The following BMAL2 variants were observed in gnomAD, a reference collection of about 807,000 sequenced individuals.
BMAL2 encodes basic helix-loop-helix ARNT-like protein 2.
chr12:27,413,512 A>G, the BMAL2 span, among the ~76,000 whole-genome samples: 3 of 152,292 alleles, frequency 2.0e-5, no homozygotes, highest in Admixed American at 6.5e-5. Flanking sequence ...TTCTTTTTCC[A>G]AGAAAAAGAA....
chr12:27,363,246 G>T, the BMAL2 span, among the ~76,000 whole-genome samples: 1 of 152,074 alleles, frequency 6.6e-6, no homozygotes, highest in Non-Finnish European at 1.5e-5. Flanking sequence ...GTTTTCTCAG[G>T]TTTTCATTGT....
chr12:27,359,393 G>A, the BMAL2 span, among the ~76,000 whole-genome samples: 1 of 152,096 alleles, frequency 6.6e-6, no homozygotes, highest in African/African-American at 2.4e-5. Context: ...ATAAACCCTC[G>A]GTACTTACTG....
At chr12:27,389,227 G>A in the BMAL2 span, 1 of 1,612,822 alleles carries the variant, frequency 6.2e-7, no homozygotes, top group African/African-American at 1.3e-5. Context: ...TCCAAAAGAT[G>A]TTGCCAAAGT....
the BMAL2 span, among the ~76,000 whole-genome samples, chr12:27,398,741 T>A: frequency 3.3e-3 from 500 of 152,348 alleles, 2 homozygotes; most frequent in African/African-American, 0.011. Context: ...CTAGGTTCTA[T>A]GTGATGAGAT....
chr12:27,417,570 G>T, the BMAL2 span, among the ~76,000 whole-genome samples: 9 of 152,250 alleles, frequency 5.9e-5, no homozygotes, highest in East Asian at 1.4e-3. Context: ...CTGCCTCACG[G>T]TATCTGAGAA....
At chr12:27,376,933 A>G in the BMAL2 span, among the ~76,000 whole-genome samples, 4 of 146,802 alleles carry the variant, frequency 2.7e-5, no homozygotes, top group South Asian at 4.4e-4. Flanking sequence ...CTCGGGAGGC[A>G]GAGCTTGCAG....
the BMAL2 span, chr12:27,403,288 A>G: frequency 3.2e-6 from 2 of 615,862 alleles, no homozygotes; most frequent in Non-Finnish European, 2.8e-6. Context: ...AGCATCATGA[A>G]TTACATATGT....
the BMAL2 span, among the ~76,000 whole-genome samples, chr12:27,401,877 C>T: frequency 6.6e-6 from 1 of 152,170 alleles, no homozygotes; most frequent in Admixed American, 6.5e-5. Flanking sequence ...TTCTGTAATA[C>T]ATTCCTTCTT....
chr12:27,358,747 C>G, the BMAL2 span, among the ~76,000 whole-genome samples: 1 of 152,092 alleles, frequency 6.6e-6, no homozygotes, highest in Non-Finnish European at 1.5e-5. Context: ...TGCACTTATA[C>G]ATGCACAAAA....
At chr12:27,368,124 T>G in the BMAL2 span, 1 of 998,130 alleles carries the variant, frequency 1.0e-6, no homozygotes, top group Non-Finnish European at 1.4e-6. Flanking sequence ...ATTACAGGCA[T>G]GAGCCACAGC....
chr12:27,387,544 C>T, the BMAL2 span, among the ~76,000 whole-genome samples: 1 of 152,102 alleles, frequency 6.6e-6, no homozygotes, highest in East Asian at 1.9e-4. Flanking sequence ...TTTTACTGAG[C>T]CTCAGCTTCT....
At chr12:27,348,227 T>C in the BMAL2 span, among the ~76,000 whole-genome samples, 1 of 152,236 alleles carries the variant, frequency 6.6e-6, no homozygotes, top group Non-Finnish European at 1.5e-5. Context: ...ACTTTGCCTA[T>C]GTTGAATATG....
the BMAL2 span, chr12:27,389,364 A>G: frequency 5.5e-6 from 6 of 1,090,298 alleles, no homozygotes; most frequent in Admixed American, 1.3e-4. Context: ...GTTTAGCTAC[A>G]CAGTGTTTTT....
At chr12:27,396,796 G>A in the BMAL2 span, among the ~76,000 whole-genome samples, 1 of 152,144 alleles carries the variant, frequency 6.6e-6, no homozygotes, top group South Asian at 2.1e-4. Context: ...CAATGGTAAG[G>A]GAATGTGTCA....
chr12:27,357,517 C>T, the BMAL2 span, among the ~76,000 whole-genome samples: 3 of 152,206 alleles, frequency 2.0e-5, no homozygotes, highest in African/African-American at 7.2e-5. Flanking sequence ...AAAAACAATC[C>T]TGAAATTCAT....
chr12:27,378,566 CG>C, the BMAL2 span, among the ~76,000 whole-genome samples: 3 of 152,080 alleles, frequency 2.0e-5, no homozygotes, highest in Non-Finnish European at 4.4e-5. Context: ...TTGGAGCTGT[CG>C]GGGAAAGTCT....
At chr12:27,375,409 C>T in the BMAL2 span, among the ~76,000 whole-genome samples, 1 of 152,080 alleles carries the variant, frequency 6.6e-6, no homozygotes, top group East Asian at 1.9e-4. Context: ...TGAAACTACG[C>T]AGAAATATTC....
At chr12:27,365,942 C>A in the BMAL2 span, among the ~76,000 whole-genome samples, 2 of 151,508 alleles carry the variant, frequency 1.3e-5, no homozygotes, top group Non-Finnish European at 2.9e-5. Context: ...TATTATATTT[C>A]AATTTTTCTT....
the BMAL2 span, among the ~76,000 whole-genome samples, chr12:27,378,137 T>C: frequency 6.6e-6 from 1 of 152,214 alleles, no homozygotes; most frequent in Non-Finnish European, 1.5e-5. Flanking sequence ...GTGTGACAGG[T>C]AAAATCATGT....
Sources: allele counts gnomAD v4.1 joint callset (sites outside exome capture counted in the v4.1 genomes callset), GRCh38; gene constraint gnomAD v4.1.1; transcripts MANE v1.5; gene names NCBI Gene and HGNC (gene_info 2026-07-23, HGNC 2026-07-21).